SSH1: variants seen among roughly 807,000 people sequenced by gnomAD.
SSH1 encodes slingshot protein phosphatase 1.
Under a neutral mutation model 79.7 loss-of-function variants are expected in SSH1, and 43 were observed. The observed-to-expected ratio is 0.54, with a 90% CI of 0.42 to 0.70. The LOEUF (loss-of-function observed/expected upper bound fraction) is 0.70. Ranked by LOEUF, SSH1 falls within the 30% of genes least tolerant of loss-of-function variation. SSH1 has a pLI of 0.00. For synonymous variants in SSH1, 599 were observed against 538.3 expected (o/e 1.11, Z -1.56); for missense variants, 1,206 against 1,358.8 (o/e 0.89, Z 1.77).
In SSH1 at chr12:108,781,934, C is replaced by T. The variant is rs2036150063; in HGVS notation, c.*6054G>A. The T allele has an allele frequency of 6.6e-6, 1 of 151,924 alleles. No individual in the cohort carries two copies. Among genetic ancestry groups the T allele is most frequent in the African/African-American group, 2.4e-5 (1 of 41,316 alleles). The allele number at this position is 151,924 out of a possible 1,614,324, so 9.4% of individuals were successfully genotyped here. A position where few individuals can be genotyped will look rare whatever the true frequency, so the allele number is the denominator to read the frequency against. ...TTAAAGACCAGCCTGGGCAGCAAAG[C>T]GAGACTTCATGTCTATAATAAATTG... On this transcript the variant is annotated 3_prime_UTR_variant, in exon 15 of 15. Transcript: ENST00000326495.
chr12:108,807,504 G>C lies in SSH1; in HGVS notation c.731+129C>G. On this transcript the variant is annotated intron_variant, in intron 8 of 14. Coordinates refer to ENST00000326495, the MANE Select transcript of SSH1 (RefSeq NM_018984.4). The surrounding 1 kb of genome is among the most constrained non-coding windows in gnomAD (Gnocchi z 5.2). ...TTAAACGCTGGTTCTGAGAAAGCTA[G>C]GGTTCTCACTCAAGGGACTCCAGGG... 2 of 799,306 alleles carry C rather than the reference G, an allele frequency of 2.5e-6. No homozygotes were observed. The highest frequency in any genetic ancestry group is 3.2e-5 in the South Asian group (2 of 63,228). The allele number at this position is 799,306 out of a possible 1,614,324, so 49.5% of individuals were successfully genotyped here.
intron 13 of SSH1, among the ~76,000 whole-genome samples, chr12:108,797,390 G>A (rs2036798704): frequency 6.6e-6 from 1 of 152,080 alleles, no homozygotes; most frequent in Non-Finnish European, 1.5e-5. Context: ...GCGGGTCCCT[G>A]GCAAAACCCC....
rs750163883 is a variant in SSH1, at chr12:108,818,364, G to GA, written c.215-52dup. 183 of 1,548,182 alleles carry GA rather than the reference G, an allele frequency of 1.2e-4. 1 individual carries two copies. Among genetic ancestry groups the GA allele is most frequent in the East Asian group, 1.1e-3 (47 of 44,420 alleles). ...AAAAGGTCTCTTACCTACTCTCTAG[G>GA]AAAAAAAACCTCTGAAAGGCTGACT... On this transcript the variant is annotated intron_variant, in intron 3 of 14. Transcript: ENST00000326495.
chr12:108,793,411 T>G (rs1177277893), intron 13 of SSH1, among the ~76,000 whole-genome samples: 8 of 151,660 alleles, frequency 5.3e-5, no homozygotes, highest in Non-Finnish European at 5.9e-5. Flanking sequence ...TTTTTTTTTT[T>G]TTTGAGATGA....
chr12:108,795,259 A>G (rs147919587), intron 13 of SSH1, among the ~76,000 whole-genome samples: 21 of 152,184 alleles, frequency 1.4e-4, no homozygotes, highest in African/African-American at 4.3e-4. Flanking sequence ...TATTCTTTAA[A>G]AACTTTTTTT....
intron 13 of SSH1, among the ~76,000 whole-genome samples, chr12:108,797,803 C>T (rs964366845): frequency 3.3e-5 from 5 of 152,206 alleles, no homozygotes; most frequent in Non-Finnish European, 7.3e-5. Flanking sequence ...TTCTTCAATT[C>T]GCCCATGTGA....
Position 108,787,870 on chromosome 12 carries a change from G to C in SSH1, c.*118C>G. On this transcript the variant is annotated 3_prime_UTR_variant, in exon 15 of 15. Transcript: ENST00000326495. The stretch of plus-strand genomic sequence containing the variant: ...TATGGCAAGAGTAGGGGAAAAGTTA[G>C]GATGACTTCACTCGTTTAAGGGAAA... The C allele has an allele frequency of 7.6e-7, 1 of 1,322,396 alleles. No individual in the cohort carries two copies. The highest frequency in any genetic ancestry group is 1.1e-6 in the Non-Finnish European group (1 of 943,364). 81.9% of individuals were successfully genotyped at this position (1,322,396 alleles called of 1,614,324 possible).
chr12:108,802,221 C>T (rs1247205933), intron 11 of SSH1, 101 bp downstream of exon 11: 3 of 1,039,428 alleles, frequency 2.9e-6, no homozygotes, highest in African/African-American at 3.1e-5. Flanking sequence ...AGGGTGCAGG[C>T]AATTACAGGC....
chr12:108,841,519 T>C (rs1299832181), intron 2 of SSH1, among the ~76,000 whole-genome samples: 5 of 152,108 alleles, frequency 3.3e-5, no homozygotes, highest in African/African-American at 4.8e-5. Flanking sequence ...TTAAAAAAAA[T>C]ATATAGGGCC....
chr12:108,843,285 C>T (rs1255915921), intron 2 of SSH1, among the ~76,000 whole-genome samples: 1 of 152,114 alleles, frequency 6.6e-6, no homozygotes, highest in Non-Finnish European at 1.5e-5. Context: ...TTTCTCTGTC[C>T]TTTGTTTCCT....
At chr12:108,816,714 G>A (rs1187409413) in intron 5 of SSH1, among the ~76,000 whole-genome samples, 1 of 152,188 alleles carries the variant, frequency 6.6e-6, no homozygotes, top group Non-Finnish European at 1.5e-5. Context: ...TGGGTTCGGC[G>A]TTGTTGTCAC....
rs2038191342 is a variant in SSH1 at position 108,823,243 on chromosome 12, A to C, written c.214+15T>G. 1.3e-6 allele frequency: 2 copies of C among 1,563,324 alleles called. No homozygotes were observed. The highest frequency in any genetic ancestry group is 8.7e-7 in the Non-Finnish European group (1 of 1,151,110). ...AAGAAGCTCCAATGTAAGAGTATCAACTTAGAGCCCTCACCTGCATGCTTG... is the reference window on the plus strand; with the variant it reads ...AAGAAGCTCCAATGTAAGAGTATCACCTTAGAGCCCTCACCTGCATGCTTG... On this transcript the variant is annotated intron_variant, in intron 3 of 14. Coordinates refer to ENST00000326495, the MANE Select transcript of SSH1 (RefSeq NM_018984.4).
At chr12:108,842,561 G>T (rs1215676976) in intron 2 of SSH1, among the ~76,000 whole-genome samples, 2 of 152,226 alleles carry the variant, frequency 1.3e-5, no homozygotes, top group African/African-American at 4.8e-5. Context: ...AGCACATGAA[G>T]GGGATACGTG....
At position 108,807,834 on chromosome 12, in the gene SSH1, C is replaced by T. The variant is rs182141464; in HGVS notation, c.537-7G>A. On this transcript the variant is annotated splice_region_variant and splice_polypyrimidine_tract_variant and intron_variant, in intron 7 of 14. Coordinates refer to ENST00000326495, the MANE Select transcript of SSH1 (RefSeq NM_018984.4). The surrounding 1 kb of genome is among the most constrained non-coding windows in gnomAD (Gnocchi z 5.2). The stretch of plus-strand genomic sequence containing the variant: ...AAGCACCTGCAGGGCAGACCTGGGG[C>T]GAGGAGAAGACAGGGTCAGGCCTGG... 216 of 1,613,408 alleles carry T rather than the reference C, an allele frequency of 1.3e-4. No homozygotes were observed. Among genetic ancestry groups the T allele is most frequent in the African/African-American group, 3.1e-4 (23 of 74,924 alleles).
chr12:108,795,489 A>C (rs953689850), intron 13 of SSH1, among the ~76,000 whole-genome samples: 11 of 152,096 alleles, frequency 7.2e-5, no homozygotes, highest in Non-Finnish European at 1.2e-4. Flanking sequence ...TCCTGACCTC[A>C]GGTGATCCGC....
chr12:108,829,715 T>A (rs1031855027), intron 2 of SSH1, among the ~76,000 whole-genome samples: 4 of 152,116 alleles, frequency 2.6e-5, no homozygotes, highest in Non-Finnish European at 5.9e-5. Flanking sequence ...AAACAACCTA[T>A]CAAACTCCTA....
intron 1 of SSH1, among the ~76,000 whole-genome samples, chr12:108,856,356 C>T (rs2039143198): frequency 6.6e-6 from 1 of 152,216 alleles, no homozygotes; most frequent in Non-Finnish European, 1.5e-5. Flanking sequence ...GCAACAGTGC[C>T]CTCAATCAAC....
At chr12:108,827,005 A>C (rs1175794531) in intron 2 of SSH1, among the ~76,000 whole-genome samples, 1 of 68,238 alleles carries the variant, frequency 1.5e-5, no homozygotes, top group Non-Finnish European at 3.0e-5. Flanking sequence ...ATGAGGGATA[A>C]AAAAAAAAAA....
intron 1 of SSH1, among the ~76,000 whole-genome samples, chr12:108,854,104 G>C (rs1280885659): frequency 2.0e-5 from 3 of 152,208 alleles, no homozygotes; most frequent in African/African-American, 7.2e-5. Context: ...AGAGTATGTT[G>C]GGGTCTAACC....
Sources: gnomAD v4.1 joint callset for allele counts (sites outside exome capture counted in the v4.1 genomes callset) on GRCh38, gnomAD v4.1.1 for gene constraint, Gnocchi (gnomAD v3.1) non-coding constraint, MANE v1.5 for transcripts, NCBI Gene and HGNC (gene_info 2026-07-23, HGNC 2026-07-21) for gene names.